Variants in GBP6 observed in about 807,000 individuals in gnomAD.
GBP6 encodes the protein guanylate-binding protein 6.
Under a neutral mutation model 61.5 loss-of-function variants are expected in GBP6, and 54 were observed. The ratio of observed to expected loss-of-function variants is 0.88; its 90% CI spans 0.71 to 1.10. The LOEUF (loss-of-function observed/expected upper bound fraction) is 1.10. GBP6 is among the 50% of genes least tolerant of loss of function. The probability of loss-of-function intolerance (pLI) is 0.00; values close to 1 mark genes in which losing one functional copy is unlikely to be tolerated. For synonymous variants in GBP6, 255 were observed against 273.7 expected, an observed-to-expected ratio of 0.93 and a Z score of 0.67; for missense variants, 748 against 752.8, an observed-to-expected ratio of 0.99 and a Z score of 0.07.
At chr1:89,379,120 G>A (rs996538114) in intron 5 of GBP6, among the ~76,000 whole-genome samples, 13 of 152,172 alleles carry the variant, frequency 8.5e-5, no homozygotes, top group African/African-American at 3.1e-4. Context: ...CATGGCACCA[G>A]CATCTGCTTC....
chr1:89,378,048 C>A, intron 3 of GBP6, 55 bp from the exon 4 acceptor site: 1 of 1,452,900 alleles, frequency 6.9e-7, no homozygotes, highest in Non-Finnish European at 9.5e-7. Flanking sequence ...ATAAATGTCT[C>A]AGTGAATTTC....
chr1:89,385,147 C>T (rs1458418836), intron 10 of GBP6, 83 bp from the exon 11 acceptor site: 3 of 1,268,246 alleles, frequency 2.4e-6, no homozygotes, highest in East Asian at 4.8e-5. Context: ...AATAAAGTTT[C>T]ACACAGGTTT....
chr1:89,378,824 A>G (rs1570468184), intron 5 of GBP6, among the ~76,000 whole-genome samples: 2 of 152,278 alleles, frequency 1.3e-5, no homozygotes, highest in African/African-American at 4.8e-5. Context: ...TTCAAGACAG[A>G]TTTGTTCTTT....
At position 89,383,803 on chromosome 1, in the gene GBP6, C is replaced by A. The variant is rs371430567; in HGVS notation, c.1468+49C>A. On this transcript the variant is annotated intron_variant, in intron 9 of 10. Coordinates refer to ENST00000370456, the MANE Select transcript of GBP6 (RefSeq NM_198460.3). Reference sequence around the variant, plus strand: ...ACAGGAGGGGTACGTTTATACAATGCCCTCTAACAGATCTAACAGGAAAAC... The same window carrying A: ...ACAGGAGGGGTACGTTTATACAATGACCTCTAACAGATCTAACAGGAAAAC... 6 of 1,317,626 alleles carry A rather than the reference C, an allele frequency of 4.6e-6. No homozygotes were observed. In the African/African-American group the frequency reaches 7.4e-5, roughly 16 times the overall value. The allele number at this position is 1,317,626 out of a possible 1,614,324, so 81.6% of individuals were successfully genotyped here.
chr1:89,374,583 C>A (rs961202004), intron 3 of GBP6, among the ~76,000 whole-genome samples: 1 of 152,040 alleles, frequency 6.6e-6, no homozygotes, highest in Non-Finnish European at 1.5e-5. Flanking sequence ...TTCTTGCCGA[C>A]AATTGTTATT....
intron 1 of GBP6, among the ~76,000 whole-genome samples, chr1:89,366,877 G>C (rs1045952963): frequency 1.3e-5 from 2 of 152,074 alleles, no homozygotes; most frequent in African/African-American, 4.8e-5. Flanking sequence ...CTGTCTCAAT[G>C]TATCTGATTA....
chr1:89,378,265 A>C, intron 4 of GBP6, 53 bp downstream of exon 4: 1 of 1,571,070 alleles, frequency 6.4e-7, no homozygotes. Flanking sequence ...CTTTATAGGA[A>C]TGGAGATCAA....
chr1:89,384,297 C>A lies in GBP6; in HGVS notation c.1662+11C>A. On this transcript the variant is annotated intron_variant, in intron 10 of 10. Transcript: ENST00000370456. The stretch of plus-strand genomic sequence containing the variant: ...GAGCACACGCAGAAGGTAAGTCTGC[C>A]CTTGGCCTCAGCAGGCCAGACGGTC... The A allele has an allele frequency of 6.2e-7, 1 of 1,600,132 alleles. No individual in the cohort carries two copies. The highest frequency in any genetic ancestry group is 1.1e-5 in the South Asian group (1 of 88,936).
chr1:89,365,294 A>G (rs540233561), intron 1 of GBP6, among the ~76,000 whole-genome samples: 1 of 152,236 alleles, frequency 6.6e-6, no homozygotes, highest in Non-Finnish European at 1.5e-5. Context: ...CCTGGTTTAT[A>G]TAAAGTTGTT....
intron 10 of GBP6, 97 bp downstream of exon 10, chr1:89,384,383 C>A: frequency 2.1e-6 from 2 of 931,386 alleles, no homozygotes; most frequent in Non-Finnish European, 3.2e-6. Context: ...AAAGGAAGCA[C>A]ATCACCATTT....
intron 3 of GBP6, among the ~76,000 whole-genome samples, chr1:89,375,953 G>C (rs1218496081): frequency 6.6e-6 from 1 of 151,282 alleles, no homozygotes; most frequent in East Asian, 1.9e-4. Context: ...CAACCTTCCT[G>C]TTCCCCTCTC....
rs147100867 is a variant in GBP6, at chr1:89,381,866, G to T, written c.1044G>T (p.Thr348=). ...MAQRVKLPTD[T]LQELLDMHAA... ...AGCGAGTGAAGCTCCCCACAGACAC[G>T]CTCCAGGAGCTGCTGGACATGCATG... Residue 348 remains threonine (T), a synonymous_variant, in exon 7 of 11, where the codon ACG becomes ACT. Transcript: ENST00000370456. 4 of 1,613,996 alleles carry T rather than the reference G, an allele frequency of 2.5e-6. No homozygotes were observed. The highest frequency in any genetic ancestry group is 2.7e-5 in the African/African-American group (2 of 74,918).
intron 3 of GBP6, among the ~76,000 whole-genome samples, chr1:89,371,993 A>G (rs1652657402): frequency 6.6e-6 from 1 of 152,164 alleles, no homozygotes; most frequent in African/African-American, 2.4e-5. Flanking sequence ...AATGTGCAAA[A>G]ATCACAAGCA....
intron 2 of GBP6, 72 bp from the exon 3 acceptor site, chr1:89,369,474 C>T (rs1652560255): frequency 1.3e-6 from 2 of 1,550,830 alleles, no homozygotes; most frequent in Non-Finnish European, 1.7e-6. Context: ...TCCAACCAGT[C>T]TGATGCTGTG....
chr1:89,367,867 C>T (rs1038998661), intron 1 of GBP6, among the ~76,000 whole-genome samples: 2 of 152,188 alleles, frequency 1.3e-5, no homozygotes, highest in Non-Finnish European at 2.9e-5. Context: ...ACCACCTCCT[C>T]CAAACTAAGA....
intron 3 of GBP6, among the ~76,000 whole-genome samples, chr1:89,371,180 T>C (rs1205896326): frequency 6.6e-6 from 1 of 152,162 alleles, no homozygotes; most frequent in African/African-American, 2.4e-5. Context: ...AATTCCCTTT[T>C]TTGAGATTGA....
At chr1:89,374,523 G>C (rs1321593491) in intron 3 of GBP6, among the ~76,000 whole-genome samples, 1 of 151,996 alleles carries the variant, frequency 6.6e-6, no homozygotes, top group Non-Finnish European at 1.5e-5. Flanking sequence ...TTCCATAATA[G>C]CTGCATGAAT....
rs765398070 is a variant in GBP6, at chr1:89,384,256, G to A, written c.1632G>A (p.Glu544=). 5.6e-6 allele frequency: 9 copies of A among 1,613,554 alleles called. No homozygotes were observed. Among genetic ancestry groups the A allele is most frequent in the Non-Finnish European group, 6.8e-6 (8 of 1,179,830 alleles). Residue 544 remains glutamate, a synonymous_variant, in exon 10 of 11, where the codon GAG becomes GAA. Transcript: ENST00000370456. ...LQMEREHLLR[E]QIMMLEHTQK... ...TGGAGAGAGAACACCTACTGAGAGA[G>A]CAGATTATGATGTTGGAGCACACGC...
chr1:89,368,035 T>C (rs578238949), intron 1 of GBP6, among the ~76,000 whole-genome samples: 32 of 152,334 alleles, frequency 2.1e-4, no homozygotes, highest in Admixed American at 5.2e-4. Context: ...TAGCCATTTT[T>C]TTAAAGTTGT....
Sources: gnomAD v4.1 joint callset for allele counts (sites outside exome capture counted in the v4.1 genomes callset) on GRCh38, gnomAD v4.1.1 for gene constraint, MANE v1.5 for transcripts, NCBI Gene and HGNC (gene_info 2026-07-23, HGNC 2026-07-21) for gene names.